LRRC49: variants seen among roughly 807,000 people sequenced by gnomAD.
LRRC49 encodes leucine rich repeat containing 49.
A neutral mutation model predicts 83.3 loss-of-function variants in LRRC49; 50 were observed. The observed-to-expected ratio is 0.60, with a 90% CI of 0.48 to 0.76. The LOEUF is 0.76. Among genes scored for constraint, LRRC49 ranks in the 30% least tolerant of loss-of-function variants. The pLI is 0.00. For synonymous variants in LRRC49, 286 were observed against 283.3 expected, an observed-to-expected ratio of 1.01 and a Z score of -0.10; for missense variants, 704 against 809.1, an observed-to-expected ratio of 0.87 and a Z score of 1.58.
Position 70,909,879 on chromosome 15 carries a change from A to ACACACACACACACAC in LRRC49, c.501-1653_501-1652insCACACACACACACAC, listed in dbSNP as rs765588937. Among the ~76,000 whole-genome samples, 111 of 76,978 alleles carry ACACACACACACACAC rather than the reference A, an allele frequency of 1.4e-3. 1 individual carries two copies. The highest frequency in any genetic ancestry group is 2.2e-3 in the Non-Finnish European group (84 of 38,362). 50.5% of individuals were successfully genotyped at this position (76,978 alleles called of 152,430 possible). A position where few individuals can be genotyped will look rare whatever the true frequency, so the allele number is the denominator to read the frequency against. Reference sequence around the variant, plus strand: ...ACACACACACACACACACACACACAAAACAAACAAAAAAAGAAAGTTGTAG... The same window carrying ACACACACACACACAC: ...ACACACACACACACACACACACACAACACACACACACACACAACAAACAAAAAAAGAAAGTTGTAG... On this transcript the variant is annotated intron_variant, in intron 5 of 15. Transcript: ENST00000260382.
chr15:71,036,077 A>G (rs919339815), intron 14 of LRRC49, among the ~76,000 whole-genome samples: 18 of 152,186 alleles, frequency 1.2e-4, no homozygotes, highest in Admixed American at 1.1e-3. Context: ...TTTGATTTGC[A>G]TTTCTCTAAT....
At chr15:70,967,631 A>G (rs2036838552) in intron 9 of LRRC49, among the ~76,000 whole-genome samples, 1 of 152,140 alleles carries the variant, frequency 6.6e-6, no homozygotes. Flanking sequence ...TCAGGCCCAC[A>G]TCTAGAGCAA....
chr15:71,021,168 A>G (rs2038984079), intron 14 of LRRC49, among the ~76,000 whole-genome samples: 1 of 152,244 alleles, frequency 6.6e-6, no homozygotes, highest in African/African-American at 2.4e-5. Flanking sequence ...GACAAGTTTG[A>G]TATAGATCAA....
At chr15:70,922,359 A>C (rs2035038744) in intron 7 of LRRC49, among the ~76,000 whole-genome samples, 1 of 152,178 alleles carries the variant, frequency 6.6e-6, no homozygotes, top group African/African-American at 2.4e-5. Flanking sequence ...AAAAAGGATG[A>C]GATCCAGTCA....
intron 14 of LRRC49, among the ~76,000 whole-genome samples, chr15:71,016,518 A>G (rs2038832639): frequency 6.6e-6 from 1 of 152,086 alleles, no homozygotes; most frequent in Non-Finnish European, 1.5e-5. Context: ...GTTCATAAAG[A>G]TAATAGCAGC....
At chr15:71,002,619 A>G (rs2038300735) in intron 11 of LRRC49, among the ~76,000 whole-genome samples, 1 of 152,174 alleles carries the variant, frequency 6.6e-6, no homozygotes, top group South Asian at 2.1e-4. Context: ...ATAATAAAAT[A>G]TAATGCATAC....
intron 2 of LRRC49, chr15:70,882,601 A>G (rs1301143254): frequency 1.2e-6 from 2 of 1,613,966 alleles, no homozygotes; most frequent in South Asian, 2.2e-5. Context: ...CTGTCTGAGT[A>G]GTTGCATTAC....
upstream of LRRC49, among the ~76,000 whole-genome samples, chr15:70,889,646 C>G (rs1270596982): frequency 1.8e-4 from 27 of 152,162 alleles, no homozygotes; most frequent in Admixed American, 1.8e-3. Context: ...AAGCCCCTTT[C>G]TTTCCTTGGA....
intron 2 of LRRC49, among the ~76,000 whole-genome samples, chr15:70,894,420 G>T (rs1310450462): frequency 6.6e-6 from 1 of 152,168 alleles, no homozygotes; most frequent in African/African-American, 2.4e-5. Flanking sequence ...TAGACTTAAC[G>T]TTATTTAGAA....
At chr15:70,926,863 G>A (rs562101096) in intron 7 of LRRC49, among the ~76,000 whole-genome samples, 139 of 152,080 alleles carry the variant, frequency 9.1e-4, no homozygotes, top group African/African-American at 3.2e-3. Flanking sequence ...CAGAATCTAC[G>A]AAGAACTCAA....
intron 11 of LRRC49, among the ~76,000 whole-genome samples, chr15:71,002,318 G>A (rs1428022337): frequency 6.6e-6 from 1 of 151,954 alleles, no homozygotes; most frequent in East Asian, 1.9e-4. Context: ...CTTATGGGGG[G>A]GGCGTGTAAC....
intron 8 of LRRC49, among the ~76,000 whole-genome samples, chr15:70,948,120 G>A (rs2415099): frequency 0.1 from 15,514 of 152,024 alleles, 1,053 homozygotes; most frequent in Admixed American, 0.21. Context: ...GTGTGCACAC[G>A]TGTGTGTTCG....
chr15:70,989,394 C>T (rs1470446797), intron 11 of LRRC49, among the ~76,000 whole-genome samples: 1 of 152,136 alleles, frequency 6.6e-6, no homozygotes, highest in African/African-American at 2.4e-5. Context: ...CATCTTCCAT[C>T]ACTGATATCC....
At chr15:70,882,547 G>A in intron 2 of LRRC49, 1 of 1,613,740 alleles carries the variant, frequency 6.2e-7, no homozygotes, top group Non-Finnish European at 8.5e-7. Flanking sequence ...CTGAATCACT[G>A]GAGTAAATGT....
intron 14 of LRRC49, among the ~76,000 whole-genome samples, chr15:71,029,009 G>T (rs900183502): frequency 6.6e-6 from 1 of 151,968 alleles, no homozygotes; most frequent in Admixed American, 6.6e-5. Context: ...CTTTGCTCTT[G>T]TTTCTCTAGT....
At chr15:70,902,079 AG>A (rs1188077786) in intron 4 of LRRC49, among the ~76,000 whole-genome samples, 1 of 152,222 alleles carries the variant, frequency 6.6e-6, no homozygotes, top group Non-Finnish European at 1.5e-5. Flanking sequence ...GTAACACTGA[AG>A]GGCAGTATCT....
chr15:70,966,005 A>G (rs1253377536), intron 9 of LRRC49, among the ~76,000 whole-genome samples: 2 of 152,072 alleles, frequency 1.3e-5, no homozygotes, highest in Non-Finnish European at 2.9e-5. Flanking sequence ...CCATTCATTT[A>G]TGTATTATCT....
chr15:70,987,286 G>T (rs1282791157), intron 11 of LRRC49, among the ~76,000 whole-genome samples: 3 of 152,168 alleles, frequency 2.0e-5, no homozygotes, highest in African/African-American at 7.2e-5. Flanking sequence ...TGGTTGGTAA[G>T]CTATTGATTA....
intron 8 of LRRC49, among the ~76,000 whole-genome samples, chr15:70,939,165 G>A (rs1474211882): frequency 6.6e-6 from 1 of 152,102 alleles, no homozygotes; most frequent in Non-Finnish European, 1.5e-5. Flanking sequence ...TTATTGCAGT[G>A]TTAGAGTTTA....
Sources: allele counts gnomAD v4.1 joint callset (sites outside exome capture counted in the v4.1 genomes callset), GRCh38; gene constraint gnomAD v4.1.1; transcripts MANE v1.5; gene names NCBI Gene and HGNC (gene_info 2026-07-23, HGNC 2026-07-21).